The following SLC14A2 variants were observed in gnomAD, a reference collection of about 807,000 sequenced individuals.
The protein encoded by SLC14A2 is urea transporter 2.
SLC14A2 carries 91 observed loss-of-function variants against 104.6 expected under a neutral mutation model. The ratio of observed to expected loss-of-function variants is 0.87; its 90% CI spans 0.73 to 1.04. The LOEUF (loss-of-function observed/expected upper bound fraction) is 1.04. Ranked by LOEUF, SLC14A2 falls within the 50% of genes least tolerant of loss-of-function variation. The pLI, the probability that SLC14A2 is intolerant of heterozygous loss-of-function variation, is 0.00. For missense variants in SLC14A2, 1,189 were observed against 1,156.0 expected (o/e 1.03, Z -0.41); for synonymous variants, 476 against 466.4 (o/e 1.02, Z -0.27).
the SLC14A2 span, among the ~76,000 whole-genome samples, chr18:45,200,829 G>C: frequency 1.1e-4 from 17 of 151,982 alleles, no homozygotes; most frequent in Admixed American, 2.6e-4. Flanking sequence ...AATACCCAAT[G>C]CCTGCTTGCC....
intron 2 of SLC14A2, among the ~76,000 whole-genome samples, chr18:45,593,331 G>A (rs569436703): frequency 7.4e-4 from 112 of 151,136 alleles, no homozygotes; most frequent in African/African-American, 2.4e-3. Flanking sequence ...AAAAAAAAGT[G>A]AGCCATCAAT....
intron 2 of SLC14A2, among the ~76,000 whole-genome samples, chr18:45,556,413 G>A (rs958610470): frequency 1.5e-4 from 23 of 152,102 alleles, no homozygotes; most frequent in Admixed American, 3.9e-4. Flanking sequence ...CTACCCATAA[G>A]GCAAAAATTC....
rs554279450 is a variant in SLC14A2, at chr18:45,319,202, G to A, written c.-125+106011G>A. On this transcript the variant is annotated intron_variant, in intron 1 of 20. Transcript: ENST00000586448. ...CCTTCCATGCTTTGAGGCTCAGCTCGAAGACAGCCTCCTTGATGAGGATAA... is the reference window on the plus strand; with the variant it reads ...CCTTCCATGCTTTGAGGCTCAGCTCAAAGACAGCCTCCTTGATGAGGATAA... 1.7e-3 allele frequency among the ~76,000 whole-genome samples: 266 copies of A among 152,224 alleles called. 1 individual carries two copies. Among genetic ancestry groups the A allele is most frequent in the Non-Finnish European group, 7.2e-4 (49 of 68,010 alleles).
intron 1 of SLC14A2, among the ~76,000 whole-genome samples, chr18:45,326,186 A>G (rs571155567): frequency 1.2e-4 from 19 of 152,360 alleles, no homozygotes; most frequent in Middle Eastern, 3.4e-3. Flanking sequence ...TTTTCTAGCC[A>G]GAAGAAAAAC....
chr18:45,676,386 A>G (rs1381870739), intron 18 of SLC14A2, among the ~76,000 whole-genome samples: 1 of 152,196 alleles, frequency 6.6e-6, no homozygotes, highest in East Asian at 1.9e-4. Context: ...CATCTAGGAT[A>G]CCAGCTGGGA....
chr18:45,639,189 AG>A (rs1161509559), intron 6 of SLC14A2, among the ~76,000 whole-genome samples: 2 of 152,178 alleles, frequency 1.3e-5, no homozygotes, highest in African/African-American at 4.8e-5. Context: ...GTGAATGGGC[AG>A]GGGCCGCCAA....
intron 1 of SLC14A2, among the ~76,000 whole-genome samples, chr18:45,381,816 G>T (rs924388861): frequency 2.0e-5 from 3 of 152,112 alleles, no homozygotes; most frequent in African/African-American, 7.2e-5. Flanking sequence ...GAGACATGGG[G>T]TTTTGTGGGG....
chr18:45,575,562 G>A (rs1041149413), intron 2 of SLC14A2, among the ~76,000 whole-genome samples: 4 of 152,124 alleles, frequency 2.6e-5, no homozygotes, highest in African/African-American at 2.4e-5. Context: ...CAATCCCCAC[G>A]TGAGCACTTG....
chr18:45,332,369 A>G (rs1267072551), intron 1 of SLC14A2, among the ~76,000 whole-genome samples: 2 of 152,246 alleles, frequency 1.3e-5, no homozygotes, highest in African/African-American at 4.8e-5. Context: ...ATTAGGTATT[A>G]TAAGTAATCT....
At chr18:45,549,549 T>C (rs1183082868) in intron 2 of SLC14A2, among the ~76,000 whole-genome samples, 1 of 152,216 alleles carries the variant, frequency 6.6e-6, no homozygotes, top group Non-Finnish European at 1.5e-5. Context: ...CTCACCGCTT[T>C]CCACCTCTGC....
chr18:45,170,815 T>C, the SLC14A2 span, among the ~76,000 whole-genome samples: 63 of 152,280 alleles, frequency 4.1e-4, no homozygotes, highest in African/African-American at 1.5e-3. Context: ...AGGCGGCCCA[T>C]GTTTTGATAA....
At chr18:45,401,277 T>C (rs1433423168) in intron 1 of SLC14A2, among the ~76,000 whole-genome samples, 2 of 152,234 alleles carry the variant, frequency 1.3e-5, no homozygotes, top group South Asian at 2.1e-4. Flanking sequence ...CATAATGTTA[T>C]GAATATTTTC....
At chr18:45,315,394 G>A (rs1472958169) in intron 1 of SLC14A2, among the ~76,000 whole-genome samples, 1 of 152,146 alleles carries the variant, frequency 6.6e-6, no homozygotes, top group African/African-American at 2.4e-5. Flanking sequence ...CAGAAGGAGG[G>A]TGGGGGAGAA....
intron 1 of SLC14A2, among the ~76,000 whole-genome samples, chr18:45,453,301 C>A (rs902382515): frequency 6.6e-6 from 1 of 152,058 alleles, no homozygotes; most frequent in Non-Finnish European, 1.5e-5. Context: ...TCTCCGGCAT[C>A]CCCTGGCTGA....
chr18:45,276,604 T>C (rs2084705501), intron 1 of SLC14A2, among the ~76,000 whole-genome samples: 2 of 152,252 alleles, frequency 1.3e-5, no homozygotes, highest in Admixed American at 6.5e-5. Flanking sequence ...TTTTAAGTTA[T>C]ATTGAACAAA....
At chr18:45,558,492 A>G (rs2044160682) in intron 2 of SLC14A2, among the ~76,000 whole-genome samples, 2 of 152,330 alleles carry the variant, frequency 1.3e-5, no homozygotes, top group Non-Finnish European at 2.9e-5. Flanking sequence ...TTTGTGTCCC[A>G]GGAGTGGAAG....
chr18:45,206,633 A>G, the SLC14A2 span, among the ~76,000 whole-genome samples: 2 of 152,180 alleles, frequency 1.3e-5, no homozygotes, highest in Non-Finnish European at 2.9e-5. Context: ...TTCCTAGGGT[A>G]TATTACTTTC....
intron 1 of SLC14A2, among the ~76,000 whole-genome samples, chr18:45,392,558 C>T (rs760351945): frequency 2.0e-5 from 3 of 152,108 alleles, no homozygotes; most frequent in African/African-American, 4.8e-5. Flanking sequence ...ATGTTATATA[C>T]CATGCTTACA....
chr18:45,576,112 A>G (rs2044415141), intron 2 of SLC14A2, among the ~76,000 whole-genome samples: 1 of 152,152 alleles, frequency 6.6e-6, no homozygotes, highest in Non-Finnish European at 1.5e-5. Flanking sequence ...TCAGATACTT[A>G]TGACTGTAAC....
Sources: allele counts gnomAD v4.1 joint callset (sites outside exome capture counted in the v4.1 genomes callset), GRCh38; gene constraint gnomAD v4.1.1; transcripts MANE v1.5; gene names NCBI Gene and HGNC (gene_info 2026-07-23, HGNC 2026-07-21).